The following PCDH11X variants were observed in gnomAD, a reference collection of about 807,000 sequenced individuals.
PCDH11X encodes the protein protocadherin 11 X-linked.
Under a neutral mutation model 53.3 loss-of-function variants are expected in PCDH11X, and 18 were observed. The observed-to-expected ratio is 0.34, with a 90% CI of 0.23 to 0.50. The LOEUF (loss-of-function observed/expected upper bound fraction) is 0.50, where lower values mean the gene tolerates loss of function less well. PCDH11X is among the 20% of genes least tolerant of loss of function. The pLI, the probability that PCDH11X is intolerant of heterozygous loss-of-function variation, is 0.98. For synonymous variants in PCDH11X, 279 were observed against 393.3 expected, an observed-to-expected ratio of 0.71 and a Z score of 3.44; for missense variants, 570 against 1,032.4, an observed-to-expected ratio of 0.55 and a Z score of 6.14.
intron 6 of PCDH11X, among the ~76,000 whole-genome samples, chrX:92,136,407 G>A (rs2065084456): frequency 1.0e-5 from 1 of 95,671 alleles, no homozygotes; most frequent in African/African-American, 4.3e-5. Context: ...AGTAGGAAGT[G>A]CAAACTGCAC....
intron 7 of PCDH11X, among the ~76,000 whole-genome samples, chrX:92,261,815 A>T (rs1206397881): frequency 9.0e-6 from 1 of 111,729 alleles, no homozygotes; most frequent in Non-Finnish European, 1.9e-5. Flanking sequence ...ATAAATAGTG[A>T]TTGTTTAAAG....
At chrX:92,231,588 C>A (rs1461894721) in intron 7 of PCDH11X, among the ~76,000 whole-genome samples, 1 of 111,641 alleles carries the variant, frequency 9.0e-6, no homozygotes, top group Admixed American at 9.6e-5. Flanking sequence ...TTGAATTAGA[C>A]CTACAGGGCC....
chrX:92,147,568 T>A (rs1327710547), intron 6 of PCDH11X, among the ~76,000 whole-genome samples: 1 of 110,707 alleles, frequency 9.0e-6, no homozygotes, highest in African/African-American at 3.3e-5. Context: ...TGTTCTCAGG[T>A]CTTTCTAATA....
chrX:92,039,487 G>A (rs1385246916), intron 6 of PCDH11X, among the ~76,000 whole-genome samples: 1 of 109,806 alleles, frequency 9.1e-6, no homozygotes, highest in Admixed American at 9.7e-5. Context: ...TCTCCCAGTG[G>A]ACACCACCAC....
chrX:92,403,222 A>C (rs1022117349), intron 9 of PCDH11X, among the ~76,000 whole-genome samples: 1 of 109,735 alleles, frequency 9.1e-6, no homozygotes, highest in Non-Finnish European at 1.9e-5. Context: ...AAGTTTTCAA[A>C]ACTCCTATTT....
Position 92,018,120 on chromosome X carries a change from G to A in PCDH11X, c.3033+138847G>A, listed in dbSNP as rs763608728. On this transcript the variant is annotated intron_variant, in intron 6 of 10. Coordinates refer to ENST00000682573, the MANE Select transcript of PCDH11X (RefSeq NM_032968.5). ...ATTTGTCTCATTCTTACTATCTGCT[G>A]TCATAGCTGATGAGAGGTTCCTCAT... Among the ~76,000 whole-genome samples the A allele has an allele frequency of 8.9e-3, 955 of 107,492 alleles. 13 individuals are homozygous for A. The highest frequency in any genetic ancestry group is 0.026 in the African/African-American group (758 of 29,444). The allele number at this position is 107,492 out of a possible 115,157, so 93.3% of individuals were successfully genotyped here.
intron 6 of PCDH11X, among the ~76,000 whole-genome samples, chrX:92,125,517 G>A (rs1359618556): frequency 3.6e-5 from 4 of 110,633 alleles, no homozygotes; most frequent in Non-Finnish European, 7.6e-5. Context: ...TAATTATTGT[G>A]AGTTCCTTAT....
intron 8 of PCDH11X, among the ~76,000 whole-genome samples, chrX:92,276,247 C>T (rs1463693192): frequency 9.3e-6 from 1 of 107,120 alleles, no homozygotes; most frequent in Non-Finnish European, 1.9e-5. Flanking sequence ...AGGGGACGGG[C>T]TTACCTTCCA....
At chrX:92,185,512 A>G (rs887860673) in intron 6 of PCDH11X, among the ~76,000 whole-genome samples, 2 of 111,709 alleles carry the variant, frequency 1.8e-5, no homozygotes, top group African/African-American at 6.5e-5. Flanking sequence ...GAAGTATGGG[A>G]TTATAGCAAA....
intron 10 of PCDH11X, among the ~76,000 whole-genome samples, chrX:92,615,398 C>T (rs1045512998): frequency 4.5e-5 from 5 of 111,731 alleles, no homozygotes; most frequent in Admixed American, 2.8e-4. Flanking sequence ...CATGCTGGGG[C>T]ACCCATTAAT....
chrX:92,076,973 G>T (rs2063782559), intron 6 of PCDH11X, among the ~76,000 whole-genome samples: 1 of 111,632 alleles, frequency 9.0e-6, no homozygotes, highest in South Asian at 3.7e-4. Context: ...TGAAATATTG[G>T]AAATAATTTC....
At chrX:92,538,979 A>G (rs1432895513) in intron 10 of PCDH11X, among the ~76,000 whole-genome samples, 1 of 89,827 alleles carries the variant, frequency 1.1e-5, no homozygotes, top group Non-Finnish European at 2.2e-5. Flanking sequence ...GGAATCCCTC[A>G]GCTTTTATAT....
At chrX:92,539,875 G>A (rs2074727333) in intron 10 of PCDH11X, among the ~76,000 whole-genome samples, 1 of 111,286 alleles carries the variant, frequency 9.0e-6, no homozygotes, top group Non-Finnish European at 1.9e-5. Flanking sequence ...ACCAGGAAGA[G>A]TCTCATGTTG....
At chrX:91,976,214 G>A (rs1034521011) in intron 6 of PCDH11X, among the ~76,000 whole-genome samples, 2 of 110,958 alleles carry the variant, frequency 1.8e-5, no homozygotes, top group East Asian at 2.9e-4. Context: ...CACCACACCC[G>A]GCTCATATTT....
chrX:92,098,854 T>C (rs2064189751), intron 6 of PCDH11X, among the ~76,000 whole-genome samples: 1 of 109,766 alleles, frequency 9.1e-6, no homozygotes, highest in Non-Finnish European at 1.9e-5. Flanking sequence ...TCCATGTTGG[T>C]CAGGCTGGTC....
At position 92,000,803 on chromosome X, in the gene PCDH11X, C is replaced by T. The variant is rs1171790573; in HGVS notation, c.3033+121530C>T. Among the ~76,000 whole-genome samples the T allele has an allele frequency of 1.1e-4, 9 of 84,168 alleles. No individual in the cohort carries two copies. The South Asian group carries it at 2.2e-3, about 20-fold the overall frequency. 73.1% of individuals were successfully genotyped at this position (84,168 alleles called of 115,157 possible). On this transcript the variant is annotated intron_variant, in intron 6 of 10. Transcript: ENST00000682573. ...AGTTCAATTGCTTTGATTTTTAGAT[C>T]GCACAAATAAGCGAGACCATGCCAT... is the stretch of plus-strand genomic sequence containing the variant.
intron 8 of PCDH11X, among the ~76,000 whole-genome samples, chrX:92,379,716 C>T (rs1482744288): frequency 9.1e-6 from 1 of 109,742 alleles, no homozygotes; most frequent in Admixed American, 9.6e-5. Flanking sequence ...ATGGACCAAT[C>T]AGCATGGACT....
At chrX:92,152,933 T>C in intron 6 of PCDH11X, among the ~76,000 whole-genome samples, 1 of 108,031 alleles carries the variant, frequency 9.3e-6, no homozygotes, top group East Asian at 2.9e-4. Context: ...AAGTAGCTGG[T>C]ATTACAGGCA....
chrX:92,268,628 A>G (rs570067753), intron 8 of PCDH11X, among the ~76,000 whole-genome samples: 1 of 112,086 alleles, frequency 8.9e-6, no homozygotes, highest in South Asian at 3.7e-4. Context: ...TTCTAGGGAC[A>G]TTGTACTGCA....
Sources: allele counts gnomAD v4.1 joint callset (sites outside exome capture counted in the v4.1 genomes callset), GRCh38; gene constraint gnomAD v4.1.1; transcripts MANE v1.5; gene names NCBI Gene and HGNC (gene_info 2026-07-23, HGNC 2026-07-21).